Variants in XG observed in about 807,000 individuals in gnomAD.
XG encodes glycoprotein Xg.
A neutral mutation model predicts 25.7 loss-of-function variants in XG; 24 were observed. That is an observed-to-expected ratio of 0.93 (90% CI 0.68 to 1.31). The LOEUF is 1.31. Ranked by LOEUF, XG falls within the 40% of genes most tolerant of loss-of-function variation. XG has a pLI of 0.00. For synonymous variants in XG, 77 were observed against 69.2 expected (o/e 1.11, Z -0.56); for missense variants, 181 against 187.6 (o/e 0.96, Z 0.21).
At chrX:2,799,584 G>A (rs1004607686) in intron 7 of XG, among the ~76,000 whole-genome samples, 1 of 111,368 alleles carries the variant, frequency 9.0e-6, no homozygotes, top group African/African-American at 3.3e-5. Context: ...ATGGGGCAGG[G>A]GAGCAATCAC....
At chrX:2,814,116 C>T (rs1462766015) in intron 10 of XG, among the ~76,000 whole-genome samples, 1 of 109,485 alleles carries the variant, frequency 9.1e-6, no homozygotes, top group Non-Finnish European at 1.9e-5. Context: ...TCTTGGTTTT[C>T]TTTTTTTTAA....
intron 1 of XG, among the ~76,000 whole-genome samples, chrX:2,767,653 A>G (rs950951224): frequency 2.0e-5 from 3 of 152,250 alleles, no homozygotes; most frequent in African/African-American, 7.2e-5. Flanking sequence ...CTCCCAGCCC[A>G]GGGGTCTTAC....
chrX:2,803,562 G>T (rs933707962), intron 7 of XG, among the ~76,000 whole-genome samples: 3 of 109,631 alleles, frequency 2.7e-5, no homozygotes, highest in African/African-American at 1.0e-4. Flanking sequence ...CTTGGGAAGT[G>T]GGGAGGGCTG....
At chrX:2,754,611 C>T (rs1473155224) in intron 1 of XG, among the ~76,000 whole-genome samples, 2 of 152,264 alleles carry the variant, frequency 1.3e-5, no homozygotes, top group East Asian at 3.9e-4. Context: ...CATATGATCA[C>T]AAGGTCCCAC....
At chrX:2,785,460 A>AT (rs11371846) in intron 4 of XG, among the ~76,000 whole-genome samples, 14,507 of 108,442 alleles carry the variant, frequency 0.13, 1,174 homozygotes, top group African/African-American at 0.31. Context: ...ACTTAAAAAA[A>AT]TTTTTTTGTA....
chrX:2,774,610 C>A, intron 2 of XG, 106 bp from the exon 3 acceptor site: 3 of 1,260,580 alleles, frequency 2.4e-6, no homozygotes, highest in Non-Finnish European at 3.5e-6. Flanking sequence ...CTTTGTATGG[C>A]TTTGTCACTC....
At chrX:2,761,601 T>A (rs2050567057) in intron 1 of XG, among the ~76,000 whole-genome samples, 1 of 150,098 alleles carries the variant, frequency 6.7e-6, no homozygotes. Flanking sequence ...CATATCCTGA[T>A]CTCAAGACGT....
intron 8 of XG, among the ~76,000 whole-genome samples, chrX:2,807,339 G>C (rs1268669209): frequency 8.9e-6 from 1 of 112,966 alleles, no homozygotes; most frequent in Non-Finnish European, 1.9e-5. Flanking sequence ...TGTGCATCTG[G>C]GTGTGCTCGT....
At chrX:2,754,467 G>C (rs2050393288) in intron 1 of XG, among the ~76,000 whole-genome samples, 1 of 152,184 alleles carries the variant, frequency 6.6e-6, no homozygotes, top group South Asian at 2.1e-4. Context: ...TTAGTTGATT[G>C]TCCCTCAGCC....
intron 7 of XG, among the ~76,000 whole-genome samples, chrX:2,801,778 G>T (rs1268255483): frequency 1.8e-5 from 2 of 110,029 alleles, no homozygotes; most frequent in African/African-American, 3.3e-5. Context: ...GCGTCATCTC[G>T]GCTCACTGCA....
chrX:2,810,185 A>G (rs1323424026), intron 9 of XG, among the ~76,000 whole-genome samples: 1 of 112,128 alleles, frequency 8.9e-6, no homozygotes, highest in Non-Finnish European at 1.9e-5. Context: ...CACCTATGCC[A>G]TGCCATGTAT....
chrX:2,767,523 C>G (rs1163063416), intron 1 of XG, among the ~76,000 whole-genome samples: 6 of 152,176 alleles, frequency 3.9e-5, no homozygotes, highest in Admixed American at 1.3e-4. Flanking sequence ...AAATAGATCT[C>G]CTGTTCCTGC....
chrX:2,756,951 T>C (rs1296872288), intron 1 of XG, among the ~76,000 whole-genome samples: 1 of 152,340 alleles, frequency 6.6e-6, no homozygotes, highest in East Asian at 1.9e-4. Context: ...GCCAGCTCAG[T>C]GCCGTCTTGG....
intron 2 of XG, among the ~76,000 whole-genome samples, chrX:2,773,879 AGG>A (rs1179597894): frequency 6.6e-6 from 1 of 151,730 alleles, no homozygotes; most frequent in African/African-American, 2.4e-5. Context: ...AGGGAGAGGG[AGG>A]TGGCAGGAAG....
intron 7 of XG, among the ~76,000 whole-genome samples, chrX:2,797,609 C>A (rs1479631594): frequency 1.8e-5 from 2 of 110,216 alleles, no homozygotes; most frequent in East Asian, 2.8e-4. Flanking sequence ...CACACACACA[C>A]CCCTTTAGGT....
chrX:2,774,629 C>T, intron 2 of XG, 87 bp from the exon 3 acceptor site: 3 of 1,452,894 alleles, frequency 2.1e-6, no homozygotes, highest in Non-Finnish European at 2.9e-6. Context: ...TCCCTTTTCA[C>T]CTTTCATCAG....
rs1177391752 is a variant in XG, at chrX:2,766,557, CTT to C, written c.62-3970_62-3969del. Among the ~76,000 whole-genome samples the C allele has an allele frequency of 3.3e-4, 30 of 90,174 alleles. 1 individual carries two copies. Among genetic ancestry groups the C allele is most frequent in the Non-Finnish European group, 3.5e-4 (17 of 48,744 alleles). 59.2% of individuals were successfully genotyped at this position (90,174 alleles called of 152,430 possible). On this transcript the variant is annotated intron_variant, in intron 1 of 10. Coordinates refer to ENST00000644266, the MANE Select transcript of XG (RefSeq NM_001141919.2). ...AGGTCAGGGAATTTCCTTATGGCCA[CTT>C]TTTTTTTTTTTTTTTTTTTTTTCAA...
chrX:2,776,451 C>G (rs1422659124), intron 3 of XG, among the ~76,000 whole-genome samples: 2 of 152,076 alleles, frequency 1.3e-5, no homozygotes, highest in African/African-American at 2.4e-5. Flanking sequence ...GCCACAGTAT[C>G]TTATCAGTTA....
chrX:2,808,078 AGGGATCT>A (rs2087020841), intron 8 of XG, 100 bp from the exon 9 acceptor site: 1 of 881,063 alleles, frequency 1.1e-6, no homozygotes, highest in African/African-American at 2.0e-5. Flanking sequence ...CCCTGAAAAC[AGGGATCT>A]GTGTGCTGTG....
Sources: gnomAD v4.1 joint callset for allele counts (sites outside exome capture counted in the v4.1 genomes callset) on GRCh38, gnomAD v4.1.1 for gene constraint, MANE v1.5 for transcripts, NCBI Gene and HGNC (gene_info 2026-07-23, HGNC 2026-07-21) for gene names.